CPEB3: variants seen among roughly 807,000 people sequenced by gnomAD.
CPEB3 encodes the protein cytoplasmic polyadenylation element-binding protein 3.
A neutral mutation model predicts 67.2 loss-of-function variants in CPEB3; 20 were observed. The observed-to-expected ratio is 0.30, with a 90% CI of 0.21 to 0.43. The LOEUF (loss-of-function observed/expected upper bound fraction) is 0.43, where lower values mean the gene tolerates loss of function less well. CPEB3 is among the 20% of genes least tolerant of loss of function. The probability of loss-of-function intolerance (pLI) is 1.00; values close to 1 mark genes in which losing one functional copy is unlikely to be tolerated. For synonymous variants in CPEB3, 376 were observed against 393.1 expected, an observed-to-expected ratio of 0.96 and a Z score of 0.51; for missense variants, 746 against 968.6, an observed-to-expected ratio of 0.77 and a Z score of 3.05.
At chr10:92,095,146 CT>C (rs1402811455) in intron 7 of CPEB3, among the ~76,000 whole-genome samples, 2 of 152,126 alleles carry the variant, frequency 1.3e-5, no homozygotes, top group African/African-American at 2.4e-5. Flanking sequence ...TGCCTACTGC[CT>C]TTTCTGCCCA....
Position 92,252,147 on chromosome 10 carries a change from C to A in CPEB3, c.-11-11786G>T, listed in dbSNP as rs535351233. Among the ~76,000 whole-genome samples the A allele has an allele frequency of 1.5e-4, 22 of 151,326 alleles. No individual in the cohort carries two copies. In the South Asian group the frequency reaches 3.8e-3, roughly 26 times the overall value. On this transcript the variant is annotated intron_variant, in intron 1 of 9. Transcript: ENST00000265997. ...CCCCAAGAATAGGCAAAAGATTTCA[C>A]CGAAAGATATTCAAATGACCAAAAA...
At chr10:92,070,095 G>T (rs983750007) in intron 9 of CPEB3, among the ~76,000 whole-genome samples, 4 of 152,208 alleles carry the variant, frequency 2.6e-5, no homozygotes, top group African/African-American at 9.6e-5. Context: ...CTGCATTTGA[G>T]CATGAAAGAA....
At position 92,216,884 on chromosome 10, in the gene CPEB3, G is replaced by A. The variant is rs112314508; in HGVS notation, c.1005+22462C>T. 8.1e-4 allele frequency: 964 copies of A among 1,191,760 alleles called. 6 individuals are homozygous for A. The African/African-American group carries it at 0.013, about 16-fold the overall frequency. 73.8% of individuals were successfully genotyped at this position (1,191,760 alleles called of 1,614,324 possible). The stretch of plus-strand genomic sequence containing the variant: ...TGTCCTCCTGCCCACCCACACTGAC[G>A]GCATCTTCCCAGTTCCCCAAGGCAC... On this transcript the variant is annotated intron_variant, in intron 2 of 9. Coordinates refer to ENST00000265997, the MANE Select transcript of CPEB3 (RefSeq NM_014912.5).
intron 1 of CPEB3, among the ~76,000 whole-genome samples, chr10:92,253,463 CAAAAAAAAAAAA>C (rs370091703): frequency 5.2e-5 from 4 of 76,852 alleles, no homozygotes; most frequent in East Asian, 8.2e-4. Flanking sequence ...TGTCTCAAAA[CAAAAAAAAAAAA>C]AAAAAAAAAG....
intron 6 of CPEB3, chr10:92,118,812 C>A: frequency 1.3e-6 from 1 of 764,384 alleles, no homozygotes; most frequent in Non-Finnish European, 2.4e-6. Context: ...CGTCCTGTAT[C>A]TCCCCACGTC....
chr10:92,060,436 A>G (rs1013219449), intron 9 of CPEB3, among the ~76,000 whole-genome samples: 4 of 152,174 alleles, frequency 2.6e-5, no homozygotes, highest in Admixed American at 6.6e-5. Flanking sequence ...ACTGGGAAAA[A>G]TCTTTAGGAC....
Position 92,181,367 on chromosome 10 carries a change from CAA to C in CPEB3, c.1166-350_1166-349del, listed in dbSNP as rs55896574. On this transcript the variant is annotated intron_variant, in intron 3 of 9. Transcript: ENST00000265997. ...TTATACTGTCCTTCCATTCAAGCAG[CAA>C]AAAAAAAAAAAAAAAAAAAAATAGA... Among the ~76,000 whole-genome samples the C allele has an allele frequency of 5.7e-3, 547 of 95,430 alleles. 1 individual carries two copies. In the Middle Eastern group the frequency reaches 0.066, roughly 12 times the overall value. 62.6% of individuals were successfully genotyped at this position (95,430 alleles called of 152,430 possible).
chr10:92,268,722 T>C (rs1853170073), intron 1 of CPEB3, among the ~76,000 whole-genome samples: 1 of 152,144 alleles, frequency 6.6e-6, no homozygotes. Context: ...TTTGGGTACA[T>C]TTTTGTATAT....
intron 1 of CPEB3, among the ~76,000 whole-genome samples, chr10:92,290,008 TTTG>T (rs902528360): frequency 4.0e-5 from 6 of 150,188 alleles, no homozygotes; most frequent in Middle Eastern, 3.4e-3. Flanking sequence ...ATTTTTTGGG[TTTG>T]TTGTTTTTTC....
chr10:92,196,554 G>A (rs1849242655), intron 2 of CPEB3, among the ~76,000 whole-genome samples: 3 of 152,104 alleles, frequency 2.0e-5, no homozygotes, highest in Admixed American at 1.3e-4. Context: ...GGATCACGAG[G>A]TCAGGAGATC....
chr10:92,259,792 C>T (rs1305764120), intron 1 of CPEB3, among the ~76,000 whole-genome samples: 1 of 152,114 alleles, frequency 6.6e-6, no homozygotes. Flanking sequence ...AGCTTAGTAA[C>T]AATTGCAGCT....
chr10:92,146,112 C>T (rs1036609044), intron 4 of CPEB3, among the ~76,000 whole-genome samples: 30 of 151,796 alleles, frequency 2.0e-4, no homozygotes, highest in Non-Finnish European at 2.1e-4. Flanking sequence ...AAAAAATATA[C>T]GAAAAGAAAT....
At chr10:92,171,036 C>G (rs1346733046) in intron 4 of CPEB3, among the ~76,000 whole-genome samples, 1 of 152,186 alleles carries the variant, frequency 6.6e-6, no homozygotes, top group Admixed American at 6.5e-5. Flanking sequence ...AAAATGGGTG[C>G]TGGTGTGTTC....
intron 1 of CPEB3, among the ~76,000 whole-genome samples, chr10:92,255,772 C>G (rs1185910066): frequency 6.6e-6 from 1 of 152,192 alleles, no homozygotes; most frequent in Admixed American, 6.6e-5. Flanking sequence ...CAACACTATT[C>G]CATTTTCATT....
At chr10:92,193,543 G>A (rs1476318216) in intron 2 of CPEB3, among the ~76,000 whole-genome samples, 3 of 151,220 alleles carry the variant, frequency 2.0e-5, no homozygotes, top group Non-Finnish European at 2.9e-5. Context: ...CTTCAGTCCC[G>A]ACCTCCTGAG....
chr10:92,115,285 C>G (rs1844960610), intron 6 of CPEB3, among the ~76,000 whole-genome samples: 1 of 152,244 alleles, frequency 6.6e-6, no homozygotes, highest in South Asian at 2.1e-4. Context: ...TCCCGAGCAG[C>G]TGTGACTACA....
intron 6 of CPEB3, among the ~76,000 whole-genome samples, chr10:92,140,696 C>T (rs1846364015): frequency 7.2e-6 from 1 of 138,886 alleles, no homozygotes; most frequent in East Asian, 2.1e-4. Flanking sequence ...AACAGGCAAC[C>T]TACAAAATGG....
intron 4 of CPEB3, among the ~76,000 whole-genome samples, chr10:92,172,992 T>C (rs1848073970): frequency 6.6e-6 from 1 of 152,194 alleles, no homozygotes; most frequent in Non-Finnish European, 1.5e-5. Context: ...TAGACTGTGC[T>C]TTTCACAGTC....
intron 6 of CPEB3, among the ~76,000 whole-genome samples, chr10:92,136,040 T>C (rs1367508553): frequency 6.6e-6 from 1 of 151,898 alleles, no homozygotes; most frequent in Non-Finnish European, 1.5e-5. Context: ...AGGGATAGCA[T>C]TAGGAGAAAT....
Sources: allele counts gnomAD v4.1 joint callset (sites outside exome capture counted in the v4.1 genomes callset), GRCh38; gene constraint gnomAD v4.1.1; transcripts MANE v1.5; gene names NCBI Gene and HGNC (gene_info 2026-07-23, HGNC 2026-07-21).